Variants in DENR observed in about 807,000 individuals in gnomAD.
DENR encodes the protein density regulated re-initiation and release factor.
A neutral mutation model predicts 30.6 loss-of-function variants in DENR; 6 were observed. The ratio of observed to expected loss-of-function variants is 0.20; its 90% CI spans 0.11 to 0.39. The LOEUF (loss-of-function observed/expected upper bound fraction) is 0.39. Ranked by LOEUF, DENR falls within the 10% of genes least tolerant of loss-of-function variation. The pLI, the probability that DENR is intolerant of heterozygous loss-of-function variation, is 1.00. For synonymous variants in DENR, 78 were observed against 72.1 expected (o/e 1.08, Z -0.41); for missense variants, 141 against 230.9 (o/e 0.61, Z 2.52).
rs1362357979 is a variant in DENR at position 122,770,442 on chromosome 12, G to C, written c.*1364G>C. 5 of 394,904 alleles carry C rather than the reference G, an allele frequency of 1.3e-5. No individual in the cohort carries two copies. In the Admixed American group the frequency reaches 1.8e-4, roughly 14 times the overall value. 24.5% of individuals were successfully genotyped at this position (394,904 alleles called of 1,614,324 possible). On this transcript the variant is annotated 3_prime_UTR_variant, in exon 8 of 8. Coordinates refer to ENST00000280557, the MANE Select transcript of DENR (RefSeq NM_003677.5). The stretch of plus-strand genomic sequence containing the variant: ...TTATCGTCATCATCTGCTCTGAGTG[G>C]AAGGCCGTTCAGAGAGGCTAGAGGT...
At chr12:122,757,112 T>C (rs983478201) in intron 2 of DENR, among the ~76,000 whole-genome samples, 4 of 152,250 alleles carry the variant, frequency 2.6e-5, no homozygotes, top group Admixed American at 1.3e-4. Context: ...CCCAACTGAT[T>C]AAAGAGAAAA....
Position 122,767,467 on chromosome 12 carries a change from GCT to G in DENR, c.296-18_296-17del, listed in dbSNP as rs750641277. 7.0e-7 allele frequency: 1 copy of G among 1,428,980 alleles called. No homozygotes were observed. The highest frequency in any genetic ancestry group is 1.5e-5 in the African/African-American group (1 of 68,654). The allele number at this position is 1,428,980 out of a possible 1,614,324, so 88.5% of individuals were successfully genotyped here. A position where few individuals can be genotyped will look rare whatever the true frequency, so the allele number is the denominator to read the frequency against. The stretch of plus-strand genomic sequence containing the variant: ...TTATGTCAAAAACAACTAAAGCTAA[GCT>G]CTTTCTTAATAAATAAAGGTGGAAG... On this transcript the variant is annotated intron_variant, in intron 5 of 7. Transcript: ENST00000280557.
chr12:122,766,390 G>A (rs1487608671), intron 5 of DENR, among the ~76,000 whole-genome samples: 1 of 152,082 alleles, frequency 6.6e-6, no homozygotes, highest in Admixed American at 6.6e-5. Context: ...TTAAAAGTTG[G>A]TATTTTCCAG....
At chr12:122,753,961 A>G in intron 2 of DENR, 154 bp downstream of exon 2, 1 of 673,390 alleles carries the variant, frequency 1.5e-6, no homozygotes, top group Non-Finnish European at 2.6e-6. Flanking sequence ...GGCATGAATT[A>G]ACAGAGTTTC....
chr12:122,769,631 C>T lies in DENR; in HGVS notation c.*553C>T. The T allele has an allele frequency of 3.6e-6, 1 of 278,772 alleles. No homozygotes were observed. Among genetic ancestry groups the T allele is most frequent in the South Asian group, 6.8e-5 (1 of 14,604 alleles). The allele number at this position is 278,772 out of a possible 1,614,324, so 17.3% of individuals were successfully genotyped here. A position where few individuals can be genotyped will look rare whatever the true frequency, so the allele number is the denominator to read the frequency against. ...AAGTGATTCTCCTGCCTCAGCCTCC[C>T]AAGTAGGTGGGATTACAGGCGCCCG... On this transcript the variant is annotated 3_prime_UTR_variant, in exon 8 of 8. Coordinates refer to ENST00000280557, the MANE Select transcript of DENR (RefSeq NM_003677.5).
rs944389725 is a variant in DENR at position 122,769,218 on chromosome 12, G to A, written c.*140G>A. 5 of 846,078 alleles carry A rather than the reference G, an allele frequency of 5.9e-6. No homozygotes were observed. In the African/African-American group the frequency reaches 8.0e-5, roughly 14 times the overall value. 52.4% of individuals were successfully genotyped at this position (846,078 alleles called of 1,614,324 possible). A position where few individuals can be genotyped will look rare whatever the true frequency, so the allele number is the denominator to read the frequency against. On this transcript the variant is annotated 3_prime_UTR_variant, in exon 8 of 8. Coordinates refer to ENST00000280557, the MANE Select transcript of DENR (RefSeq NM_003677.5). ...TATGTATGTATACACATATACACAT[G>A]TATATATACATGTGTGTATGTATAC...
rs183712241 is a variant in DENR at position 122,760,235 on chromosome 12, C to T, written c.107-1952C>T. Among the ~76,000 whole-genome samples, 9 of 152,252 alleles carry T rather than the reference C, an allele frequency of 5.9e-5. No individual in the cohort carries two copies. In the East Asian group the frequency reaches 1.7e-3, roughly 29 times the overall value. ...TATGTACTCTAAGCCTCAGTTTCAT[C>T]ATCTGAATATAGATATGGTACTTAT... is the stretch of plus-strand genomic sequence containing the variant. On this transcript the variant is annotated intron_variant, in intron 2 of 7. Transcript: ENST00000280557.
At chr12:122,763,041 A>G in intron 4 of DENR, 112 bp downstream of exon 4, 1 of 648,258 alleles carries the variant, frequency 1.5e-6, no homozygotes, top group African/African-American at 1.8e-5. Context: ...CAGAATTAAC[A>G]TTTATCTGTT....
intron 2 of DENR, among the ~76,000 whole-genome samples, chr12:122,760,097 G>T (rs1378062732): frequency 6.6e-6 from 1 of 152,160 alleles, no homozygotes; most frequent in Non-Finnish European, 1.5e-5. Flanking sequence ...ATCATTTTCA[G>T]CTGTCAGGTG....
intron 1 of DENR, 42 bp from the exon 2 acceptor site, chr12:122,753,651 G>A: frequency 6.7e-7 from 1 of 1,498,218 alleles, no homozygotes. Context: ...CTGGGGTCTT[G>A]ATTCTAAAAT....
At chr12:122,767,666 ATCTCTCTG>A in intron 6 of DENR, 62 bp downstream of exon 6, 1 of 954,430 alleles carries the variant, frequency 1.0e-6, no homozygotes, top group Middle Eastern at 2.3e-4. Context: ...GTCTCCCTCT[ATCTCTCTG>A]TCTCTCTCTC....
At position 122,753,755 on chromosome 12, in the gene DENR, G is replaced by A; in HGVS notation, c.54G>A (p.Arg18=). The A allele has an allele frequency of 1.9e-6, 3 of 1,614,028 alleles. No homozygotes were observed. The highest frequency in any genetic ancestry group is 2.5e-6 in the Non-Finnish European group (3 of 1,179,898). ...GGGCTGACTGCAAAGGAGACCCAAG[G>A]AACAGTGCCAAGTTAGATGCCGATT... ...SSGADCKGDP[R]NSAKLDADYP... Residue 18 remains arginine (R), a synonymous_variant, in exon 2 of 8, where the codon AGG becomes AGA. Transcript: ENST00000280557.
chr12:122,760,908 A>G (rs1206234279), intron 2 of DENR, among the ~76,000 whole-genome samples: 1 of 152,224 alleles, frequency 6.6e-6, no homozygotes, highest in African/African-American at 2.4e-5. Context: ...TATGTAGCAT[A>G]ACATGAAAAA....
At chr12:122,759,001 C>T (rs1196405189) in intron 2 of DENR, among the ~76,000 whole-genome samples, 1 of 151,900 alleles carries the variant, frequency 6.6e-6, no homozygotes, top group African/African-American at 2.4e-5. Flanking sequence ...TGCGCCACCA[C>T]ACCCGGCTAA....
rs1879024280 is a variant in DENR at position 122,771,048 on chromosome 12, A to G, written c.*1970A>G. 7.3e-6 allele frequency: 2 copies of G among 273,192 alleles called. No homozygotes were observed. Among genetic ancestry groups the G allele is most frequent in the Non-Finnish European group, 1.4e-5 (2 of 147,826 alleles). The allele number at this position is 273,192 out of a possible 1,614,324, so 16.9% of individuals were successfully genotyped here. On this transcript the variant is annotated 3_prime_UTR_variant, in exon 8 of 8. Transcript: ENST00000280557. ...TACTCCAGGAAAATGCAGGATTAAA[A>G]TTGTCCTTGTGTATAACGTGTGAAT...
chr12:122,768,968 A>G, intron 7 of DENR, 47 bp downstream of exon 7: 1 of 1,606,738 alleles, frequency 6.2e-7, no homozygotes. Flanking sequence ...TTTTTAAAGC[A>G]AATTGCTTCC....
chr12:122,769,225 T>C lies in DENR; in HGVS notation c.*147T>C, dbSNP rs1157251462. Reference sequence around the variant, plus strand: ...GTATACACATATACACATGTATATATACATGTGTGTATGTATACATGTATA... The same window carrying C: ...GTATACACATATACACATGTATATACACATGTGTGTATGTATACATGTATA... On this transcript the variant is annotated 3_prime_UTR_variant, in exon 8 of 8. Coordinates refer to ENST00000280557, the MANE Select transcript of DENR (RefSeq NM_003677.5). 1.8e-5 allele frequency: 15 copies of C among 837,282 alleles called. No individual in the cohort carries two copies. The highest frequency in any genetic ancestry group is 5.9e-5 in the East Asian group (1 of 16,892). 51.9% of individuals were successfully genotyped at this position (837,282 alleles called of 1,614,324 possible). A position where few individuals can be genotyped will look rare whatever the true frequency, so the allele number is the denominator to read the frequency against.
At chr12:122,757,139 CAT>C (rs1449365847) in intron 2 of DENR, among the ~76,000 whole-genome samples, 1 of 152,158 alleles carries the variant, frequency 6.6e-6, no homozygotes, top group Non-Finnish European at 1.5e-5. Context: ...GCGATAGTGA[CAT>C]AGGCATTTTT....
intron 2 of DENR, among the ~76,000 whole-genome samples, chr12:122,754,601 C>T (rs186556050): frequency 2.0e-5 from 3 of 152,240 alleles, no homozygotes; most frequent in East Asian, 3.9e-4. Context: ...TCCTTGTTCA[C>T]GTGGACCTTA....
Sources: gnomAD v4.1 joint callset for allele counts (sites outside exome capture counted in the v4.1 genomes callset) on GRCh38, gnomAD v4.1.1 for gene constraint, MANE v1.5 for transcripts, NCBI Gene and HGNC (gene_info 2026-07-23, HGNC 2026-07-21) for gene names.